The following NOS1AP variants were observed in gnomAD, a reference collection of about 807,000 sequenced individuals.
NOS1AP encodes carboxyl-terminal PDZ ligand of neuronal nitric oxide synthase protein.
Under a neutral mutation model 56.2 loss-of-function variants are expected in NOS1AP, and 21 were observed. The ratio of observed to expected loss-of-function variants is 0.37; its 90% CI spans 0.26 to 0.54. The LOEUF (loss-of-function observed/expected upper bound fraction) is 0.54, where lower values mean the gene tolerates loss of function less well. Among genes scored for constraint, NOS1AP ranks in the 20% least tolerant of loss-of-function variants. The pLI is 0.84. For synonymous variants in NOS1AP, 270 were observed against 274.6 expected (o/e 0.98, Z 0.17); for missense variants, 522 against 657.8 (o/e 0.79, Z 2.26).
Position 162,284,809 on chromosome 1 carries a change from T to C in NOS1AP, c.178-2535T>C, listed in dbSNP as rs186988694. Among the ~76,000 whole-genome samples, 595 of 152,316 alleles carry C rather than the reference T, an allele frequency of 3.9e-3. 4 individuals carry two copies. Among genetic ancestry groups the C allele is most frequent in the South Asian group, 0.019 (92 of 4,828 alleles). ...GGAGCTGGCTGGGTGCCTCTTGCTA[T>C]GCTCGGGTAAGAAATCATGATTAAT... On this transcript the variant is annotated intron_variant, in intron 2 of 9. Transcript: ENST00000361897.
intron 2 of NOS1AP, among the ~76,000 whole-genome samples, chr1:162,180,644 C>G (rs1046423215): frequency 6.6e-6 from 1 of 152,138 alleles, no homozygotes; most frequent in Non-Finnish European, 1.5e-5. Context: ...CCTCTTGGAG[C>G]GGAGCATGGC....
At chr1:162,119,120 T>A (rs1463468462) in intron 1 of NOS1AP, among the ~76,000 whole-genome samples, 1 of 152,212 alleles carries the variant, frequency 6.6e-6, no homozygotes, top group African/African-American at 2.4e-5. Flanking sequence ...AGAATGTTTT[T>A]CTTTTTAAGA....
At chr1:162,194,299 C>A (rs1299792559) in intron 2 of NOS1AP, among the ~76,000 whole-genome samples, 1 of 152,088 alleles carries the variant, frequency 6.6e-6, no homozygotes, top group East Asian at 1.9e-4. Flanking sequence ...CCCTTGGCTG[C>A]GATGAGTTTG....
At position 162,367,018 on chromosome 1, in the gene NOS1AP, G is replaced by C. The variant is rs752420568; in HGVS notation, c.1106-34G>C. 1.2e-6 allele frequency: 2 copies of C among 1,613,202 alleles called. No homozygotes were observed. Among genetic ancestry groups the C allele is most frequent in the African/African-American group, 2.7e-5 (2 of 75,054 alleles). ...TCCCAAATCAACAACCTTGCCTAACGCTGCCCCTCTGCTACCTCTTGTCTC... is the reference window on the plus strand; with the variant it reads ...TCCCAAATCAACAACCTTGCCTAACCCTGCCCCTCTGCTACCTCTTGTCTC... On this transcript the variant is annotated intron_variant, in intron 9 of 9. Transcript: ENST00000361897. The surrounding 1 kb of genome is among the most constrained non-coding windows in gnomAD (Gnocchi z 6.5).
At chr1:162,151,397 T>C (rs1431839550) in intron 1 of NOS1AP, among the ~76,000 whole-genome samples, 3 of 152,262 alleles carry the variant, frequency 2.0e-5, no homozygotes, top group Non-Finnish European at 4.4e-5. Context: ...TTCTGTAGCA[T>C]GTACCTGGTT....
chr1:162,197,285 G>A (rs1651839669), intron 2 of NOS1AP, among the ~76,000 whole-genome samples: 1 of 152,212 alleles, frequency 6.6e-6, no homozygotes, highest in South Asian at 2.1e-4. Context: ...GAAACAAAGG[G>A]AAAATCTGGC....
intron 1 of NOS1AP, among the ~76,000 whole-genome samples, chr1:162,151,742 T>G (rs1649714560): frequency 2.0e-5 from 3 of 152,000 alleles, no homozygotes; most frequent in Admixed American, 2.0e-4. Flanking sequence ...GTATTTAGAT[T>G]AGTGATTTTC....
chr1:162,211,771 G>A (rs1402075567), intron 2 of NOS1AP, among the ~76,000 whole-genome samples: 8 of 151,986 alleles, frequency 5.3e-5, no homozygotes, highest in Non-Finnish European at 5.9e-5. Flanking sequence ...TTTGCTGACC[G>A]TATCCTGGTT....
At chr1:162,203,587 A>C (rs4480335) in intron 2 of NOS1AP, among the ~76,000 whole-genome samples, 40,707 of 152,130 alleles carry the variant, frequency 0.27, 5,685 homozygotes, top group East Asian at 0.39. Context: ...TGCAGACTCC[A>C]TCCCAAGATT....
chr1:162,240,244 AGTGTGTGTGTGTGT>A (rs5778260), intron 2 of NOS1AP, among the ~76,000 whole-genome samples: 14 of 141,302 alleles, frequency 9.9e-5, no homozygotes, highest in East Asian at 6.3e-4. Flanking sequence ...CTGTGTGGCC[AGTGTGTGTGTGTGT>A]GTGTGTGTGT....
At chr1:162,166,692 A>C (rs954017425) in intron 2 of NOS1AP, among the ~76,000 whole-genome samples, 4 of 152,202 alleles carry the variant, frequency 2.6e-5, no homozygotes, top group African/African-American at 9.6e-5. Flanking sequence ...CAAAGGGGTG[A>C]ATTACTCAAC....
At chr1:162,131,804 C>T (rs1648761656) in intron 1 of NOS1AP, among the ~76,000 whole-genome samples, 1 of 151,862 alleles carries the variant, frequency 6.6e-6, no homozygotes, top group Admixed American at 6.6e-5. Flanking sequence ...CCAAGGTAGA[C>T]AGAAAATGAT....
chr1:162,193,798 A>G (rs1305948808), intron 2 of NOS1AP, among the ~76,000 whole-genome samples: 1 of 151,734 alleles, frequency 6.6e-6, no homozygotes, highest in Non-Finnish European at 1.5e-5. Flanking sequence ...GCCTGAGATC[A>G]CTCTTTTCTC....
At chr1:162,174,996 G>A (rs1040981731) in intron 2 of NOS1AP, among the ~76,000 whole-genome samples, 4 of 152,086 alleles carry the variant, frequency 2.6e-5, no homozygotes, top group African/African-American at 9.7e-5. Flanking sequence ...TATGTTTTTG[G>A]GAGGAAGACA....
chr1:162,365,709 T>A, intron 9 of NOS1AP, 140 bp downstream of exon 9: 2 of 1,060,422 alleles, frequency 1.9e-6, no homozygotes, highest in East Asian at 5.2e-5. Context: ...CAGCTTTGTT[T>A]TCCCATTAGT....
At chr1:162,095,099 A>G (rs545295089) in intron 1 of NOS1AP, among the ~76,000 whole-genome samples, 42 of 152,292 alleles carry the variant, frequency 2.8e-4, no homozygotes, top group African/African-American at 9.6e-4. Flanking sequence ...CTGTGGCATC[A>G]TATCTTCTAC....
intron 2 of NOS1AP, among the ~76,000 whole-genome samples, chr1:162,238,898 T>C (rs1465772589): frequency 6.6e-6 from 1 of 152,246 alleles, no homozygotes; most frequent in Non-Finnish European, 1.5e-5. Flanking sequence ...AAGTTCTTAA[T>C]CCACTTGGAA....
intron 2 of NOS1AP, among the ~76,000 whole-genome samples, chr1:162,164,350 C>T (rs962811441): frequency 1.3e-5 from 2 of 152,198 alleles, no homozygotes; most frequent in African/African-American, 4.8e-5. Context: ...TTCTATGGCA[C>T]ACATATGTAT....
intron 1 of NOS1AP, among the ~76,000 whole-genome samples, chr1:162,117,733 C>T (rs1057106040): frequency 6.6e-6 from 1 of 152,218 alleles, no homozygotes; most frequent in Non-Finnish European, 1.5e-5. Flanking sequence ...CTCCTTTCTG[C>T]TAAGATCCCA....
Sources: allele counts gnomAD v4.1 joint callset (sites outside exome capture counted in the v4.1 genomes callset), GRCh38; gene constraint gnomAD v4.1.1; non-coding constraint Gnocchi (gnomAD v3.1); transcripts MANE v1.5; gene names NCBI Gene and HGNC (gene_info 2026-07-23, HGNC 2026-07-21).